The following PLXNA2 variants were observed in gnomAD, a reference collection of about 807,000 sequenced individuals.
The protein encoded by PLXNA2 is plexin-A2.
PLXNA2 carries 91 observed loss-of-function variants against 193.5 expected under a neutral mutation model. That is an observed-to-expected ratio of 0.47 (90% CI 0.40 to 0.56). The LOEUF is 0.56. PLXNA2 is among the 20% of genes least tolerant of loss of function. PLXNA2 has a pLI of 0.00. For missense variants in PLXNA2, 1,995 were observed against 2,503.2 expected, an observed-to-expected ratio of 0.80 and a Z score of 4.33; for synonymous variants, 997 against 1,027.3, an observed-to-expected ratio of 0.97 and a Z score of 0.56.
intron 4 of PLXNA2, among the ~76,000 whole-genome samples, chr1:208,111,903 G>A (rs899187533): frequency 6.6e-6 from 1 of 152,196 alleles, no homozygotes; most frequent in Non-Finnish European, 1.5e-5. Context: ...ACAGCTGGAG[G>A]TTCCGGAGAC....
intron 4 of PLXNA2, among the ~76,000 whole-genome samples, chr1:208,125,272 C>A (rs1346979921): frequency 6.6e-6 from 1 of 152,216 alleles, no homozygotes; most frequent in African/African-American, 2.4e-5. Flanking sequence ...CCAGTGAAGG[C>A]TGGTCTGGGA....
At chr1:208,207,244 G>A (rs1331653073) in intron 3 of PLXNA2, among the ~76,000 whole-genome samples, 1 of 152,218 alleles carries the variant, frequency 6.6e-6, no homozygotes, top group African/African-American at 2.4e-5. Flanking sequence ...GACCTCAGGT[G>A]ATCCACCTGC....
At chr1:208,142,155 G>A (rs879503495) in intron 4 of PLXNA2, among the ~76,000 whole-genome samples, 174 bp downstream of exon 4, 1 of 152,174 alleles carries the variant, frequency 6.6e-6, no homozygotes, top group Admixed American at 6.5e-5. Context: ...GCTGGCCCCC[G>A]GCTGCTTCTC....
intron 26 of PLXNA2, among the ~76,000 whole-genome samples, chr1:208,036,627 T>G (rs1443825357): frequency 1.3e-5 from 2 of 152,112 alleles, no homozygotes; most frequent in East Asian, 3.8e-4. Context: ...ATTATGAGCA[T>G]CATCATCATC....
At chr1:208,103,697 A>G (rs967041503) in intron 4 of PLXNA2, among the ~76,000 whole-genome samples, 5 of 152,220 alleles carry the variant, frequency 3.3e-5, no homozygotes, top group African/African-American at 1.2e-4. Context: ...CCATCAAATA[A>G]TATTCATAGT....
chr1:208,155,633 G>T (rs1037385393), intron 3 of PLXNA2, among the ~76,000 whole-genome samples: 2 of 152,236 alleles, frequency 1.3e-5, no homozygotes, highest in African/African-American at 4.8e-5. Flanking sequence ...GTGAGGATGG[G>T]GAGGGCAGGA....
chr1:208,097,303 C>T (rs1666932206), intron 6 of PLXNA2, among the ~76,000 whole-genome samples: 1 of 152,200 alleles, frequency 6.6e-6, no homozygotes, highest in South Asian at 2.1e-4. Flanking sequence ...GTAAATATCA[C>T]CAACCTGGAG....
In PLXNA2 at chr1:208,069,987, C is replaced by G. The variant is rs1049724063; in HGVS notation, c.2587-9150G>C. ...ATTTTTCGGATGAGAAATAGTGTCC[C>G]AGAGAGGTTAAGTAACTTCTTGAAG... is the stretch of plus-strand genomic sequence containing the variant. On this transcript the variant is annotated intron_variant, in intron 12 of 31. Coordinates refer to ENST00000367033, the MANE Select transcript of PLXNA2 (RefSeq NM_025179.4). Among the ~76,000 whole-genome samples the G allele has an allele frequency of 3.3e-5, 5 of 152,208 alleles. No homozygotes were observed. The East Asian group carries it at 9.6e-4, about 29-fold the overall frequency.
intron 12 of PLXNA2, among the ~76,000 whole-genome samples, chr1:208,070,888 C>T (rs1665954878): frequency 6.6e-6 from 1 of 152,062 alleles, no homozygotes; most frequent in Non-Finnish European, 1.5e-5. Context: ...TGAAGAAATC[C>T]AGAGGGAAGC....
At chr1:208,040,849 C>G (rs887422887) in intron 22 of PLXNA2, among the ~76,000 whole-genome samples, 16 of 152,188 alleles carry the variant, frequency 1.1e-4, no homozygotes, top group Admixed American at 5.9e-4. Flanking sequence ...GGCTGGCCCC[C>G]CTCCCCTTCC....
At chr1:208,049,753 T>C (rs1665194929) in intron 17 of PLXNA2, among the ~76,000 whole-genome samples, 1 of 152,234 alleles carries the variant, frequency 6.6e-6, no homozygotes, top group Middle Eastern at 3.2e-3. Flanking sequence ...GAGACCTTTC[T>C]ATATCTAACC....
intron 4 of PLXNA2, among the ~76,000 whole-genome samples, chr1:208,114,380 A>G (rs1416840544): frequency 1.3e-5 from 2 of 152,210 alleles, no homozygotes; most frequent in African/African-American, 4.8e-5. Flanking sequence ...GTGTCATCAA[A>G]TGGTATGACA....
chr1:208,069,644 C>G (rs59435367), intron 12 of PLXNA2, among the ~76,000 whole-genome samples: 1 of 152,196 alleles, frequency 6.6e-6, no homozygotes, highest in South Asian at 2.1e-4. Context: ...TCAGGCAGAG[C>G]CTTGTCAGGG....
intron 4 of PLXNA2, among the ~76,000 whole-genome samples, chr1:208,138,969 G>A (rs1244659937): frequency 6.6e-6 from 1 of 152,256 alleles, no homozygotes; most frequent in South Asian, 2.1e-4. Flanking sequence ...GGAGGTTGCA[G>A]TGAGCCAAGG....
intron 3 of PLXNA2, among the ~76,000 whole-genome samples, chr1:208,148,676 C>T (rs566793108): frequency 2.0e-5 from 3 of 152,264 alleles, no homozygotes; most frequent in South Asian, 2.1e-4. Flanking sequence ...TCAGGAAGCC[C>T]GGTGATGGGG....
At chr1:208,158,847 C>T (rs1669016699) in intron 3 of PLXNA2, among the ~76,000 whole-genome samples, 1 of 152,320 alleles carries the variant, frequency 6.6e-6, no homozygotes, top group South Asian at 2.1e-4. Context: ...CTGACCCTGT[C>T]GGGTTCTCCA....
At chr1:208,051,231 G>C (rs1298292875) in intron 16 of PLXNA2, 25 bp downstream of exon 16, 1 of 1,597,600 alleles carries the variant, frequency 6.3e-7, no homozygotes, top group Admixed American at 1.7e-5. Flanking sequence ...GCTTCCAGGT[G>C]CATCCCTCCC....
In PLXNA2 at chr1:208,244,301, C is replaced by T; in HGVS notation, c.-739G>A. On this transcript the variant is annotated 5_prime_UTR_variant, in exon 1 of 32. Coordinates refer to ENST00000367033, the MANE Select transcript of PLXNA2 (RefSeq NM_025179.4). ...CTCCTCCCGGCAGCTCTGGCTCCCG[C>T]GGTGGCGGCGGCGGCGGCGGCGGCG... 2 of 83,778 alleles carry T rather than the reference C, an allele frequency of 2.4e-5. No individual in the cohort carries two copies. The highest frequency in any genetic ancestry group is 2.2e-4 in the South Asian group (2 of 9,028). 5.2% of individuals were successfully genotyped at this position (83,778 alleles called of 1,614,324 possible).
chr1:208,185,045 C>G (rs1302279923), intron 3 of PLXNA2, among the ~76,000 whole-genome samples: 1 of 152,226 alleles, frequency 6.6e-6, no homozygotes, highest in Non-Finnish European at 1.5e-5. Flanking sequence ...CCTCCCTACT[C>G]CTGGCATTGG....
Sources: gnomAD v4.1 joint callset for allele counts (sites outside exome capture counted in the v4.1 genomes callset) on GRCh38, gnomAD v4.1.1 for gene constraint, MANE v1.5 for transcripts, NCBI Gene and HGNC (gene_info 2026-07-23, HGNC 2026-07-21) for gene names.